Variants in PGA5 observed in about 807,000 individuals in gnomAD.
PGA5 encodes the protein pepsinogen A5.
Under a neutral mutation model 15.9 loss-of-function variants are expected in PGA5, and 19 were observed. That is an observed-to-expected ratio of 1.19 (90% CI 0.83 to 1.75). The LOEUF (loss-of-function observed/expected upper bound fraction) is 1.75, where lower values mean the gene tolerates loss of function less well. PGA5 is among the 40% of genes most tolerant of loss of function. The pLI, the probability that PGA5 is intolerant of heterozygous loss-of-function variation, is 0.00. For synonymous variants in PGA5, 92 were observed against 95.8 expected (o/e 0.96, Z 0.23); for missense variants, 224 against 246.4 (o/e 0.91, Z 0.61).
intron 5 of PGA5, among the ~76,000 whole-genome samples, 195 bp downstream of exon 5, chr11:61,246,340 G>A (rs538147790): frequency 1.3e-5 from 2 of 150,328 alleles, no homozygotes; most frequent in East Asian, 3.9e-4. Context: ...GACGGGCCAT[G>A]TGCACTCCAT....
At chr11:61,249,467 C>G in intron 6 of PGA5, 2 of 1,053,916 alleles carry the variant, frequency 1.9e-6, no homozygotes, top group Non-Finnish European at 2.7e-6. Flanking sequence ...GTTTCCCATG[C>G]CTGGCAGAGG....
At chr11:61,249,627 C>A (rs1237428885) in intron 6 of PGA5, 42 bp from the exon 7 acceptor site, 16 of 1,613,406 alleles carry the variant, frequency 9.9e-6, no homozygotes, top group African/African-American at 4.0e-5. Context: ...GAGAGATGAA[C>A]CCCTGAGGGC....
chr11:61,247,427 G>A (rs1255305419), intron 5 of PGA5, among the ~76,000 whole-genome samples: 1 of 151,822 alleles, frequency 6.6e-6, no homozygotes, highest in African/African-American at 2.4e-5. Flanking sequence ...ACAGGCATGG[G>A]CCACCATGCC....
intron 5 of PGA5, chr11:61,248,212 G>A (rs887499941): frequency 1.6e-6 from 2 of 1,267,224 alleles, no homozygotes; most frequent in African/African-American, 3.0e-5. Flanking sequence ...CCTCCCTCAG[G>A]CTCAGTGTCC....
chr11:61,249,584 G>A (rs142028759), intron 6 of PGA5, 85 bp from the exon 7 acceptor site: 22,989 of 1,608,250 alleles, frequency 0.014, 843 homozygotes, highest in African/African-American at 0.1. Context: ...GGTGGGGAAG[G>A]AATGTCTGGG....
chr11:61,249,994 C>T lies in PGA5; in HGVS notation c.997C>T (p.Pro333Ser), dbSNP rs1565210299. 6.2e-7 allele frequency: 1 copy of T among 1,611,030 alleles called. No homozygotes were observed. The highest frequency in any genetic ancestry group is 2.2e-5 in the East Asian group (1 of 44,792). The part of the protein sequence containing the change: ...TINGVQYPVP[P>S]SAYILQSEGS... ...CAATGGAGTCCAGTACCCCGTGCCA[C>T]CCAGTGCCTACATCCTGCAGGTGAG... Residue 333 changes from proline (P) to serine (S), a missense_variant, in exon 8 of 9, where the codon CCC becomes TCC. Coordinates refer to ENST00000312403, the MANE Select transcript of PGA5 (RefSeq NM_014224.5).
At position 61,246,146 on chromosome 11, in the gene PGA5, G is replaced by A. The variant is rs755531755; in HGVS notation, c.656+1G>A. The A allele has an allele frequency of 4.6e-5, 18 of 392,862 alleles. 1 individual carries two copies. The highest frequency in any genetic ancestry group is 6.5e-4 in the Middle Eastern group (1 of 1,542). 24.3% of individuals were successfully genotyped at this position (392,862 alleles called of 1,614,324 possible). The stretch of plus-strand genomic sequence containing the variant: ...ACCTCTTCTCTGTCTACCTCAGCGC[G>A]TAAGTTGAGTGGAGAGGGGCCTCCT... On this transcript the variant is annotated splice_donor_variant, in intron 5 of 8. Transcript: ENST00000312403. LOFTEE classifies it high-confidence loss of function.
intron 5 of PGA5, 84 bp from the exon 6 acceptor site, chr11:61,248,335 C>G (rs541455021): frequency 2.2e-5 from 36 of 1,613,796 alleles, no homozygotes; most frequent in South Asian, 5.5e-5. Context: ...GCCCAATCAA[C>G]GGTCGCTCTG....
chr11:61,247,862 T>G (rs1416554150), intron 5 of PGA5, among the ~76,000 whole-genome samples: 1 of 152,002 alleles, frequency 6.6e-6, no homozygotes, highest in Admixed American at 6.5e-5. Flanking sequence ...CATAATTCCT[T>G]GCCGCCAAGG....
At position 61,249,678 on chromosome 11, in the gene PGA5, G is replaced by T; in HGVS notation, c.783G>T (p.Met261Ile). ...YWQITVDSITMNGETIACAEG... is the reference protein window; with the variant it reads ...YWQITVDSITINGETIACAEG... ...TGCTTCTTACCCTCAGCATCACCAT[G>T]AACGGAGAGACCATCGCCTGTGCTG... The change falls in exon 7 of 9, where the codon ATG (methionine) becomes ATT (isoleucine). Residue 261 changes from methionine (M) to isoleucine (I), a missense_variant. Coordinates refer to ENST00000312403, the MANE Select transcript of PGA5 (RefSeq NM_014224.5). The T allele has an allele frequency of 6.2e-7, 1 of 1,613,562 alleles. No individual in the cohort carries two copies. Among genetic ancestry groups the T allele is most frequent in the Non-Finnish European group, 8.5e-7 (1 of 1,179,840 alleles).
chr11:61,247,318 G>T (rs1363350133), intron 5 of PGA5, among the ~76,000 whole-genome samples: 1 of 148,852 alleles, frequency 6.7e-6, no homozygotes, highest in Non-Finnish European at 1.5e-5. Flanking sequence ...TCGCTCTGTC[G>T]CCCAGGCTGG....
intron 6 of PGA5, chr11:61,249,198 C>T (rs1012108656): frequency 3.4e-6 from 1 of 292,546 alleles, no homozygotes; most frequent in Non-Finnish European, 6.6e-6. Flanking sequence ...CCAACACCTG[C>T]CCCAGCCCTC....
At chr11:61,248,036 C>T in intron 5 of PGA5, 1 of 602,784 alleles carries the variant, frequency 1.7e-6, no homozygotes, top group Non-Finnish European at 2.9e-6. Flanking sequence ...CCTCCACCCT[C>T]AAGTCCTTAA....
Position 61,249,791 on chromosome 11 carries a change from C to G in PGA5, c.896C>G (p.Ala299Gly), listed in dbSNP as rs1038513515. The G allele has an allele frequency of 3.7e-6, 6 of 1,613,556 alleles. No individual in the cohort carries two copies. The highest frequency in any genetic ancestry group is 2.7e-5 in the African/African-American group (2 of 74,650). The change falls in exon 7 of 9, where the codon GCC becomes GGC. Residue 299 changes from alanine (A) to glycine (G), a missense_variant. Ala to Gly is a moderately conservative substitution (Grantham distance 60). Coordinates refer to ENST00000312403, the MANE Select transcript of PGA5 (RefSeq NM_014224.5). ...GCCAACATCCAGAGCGACATCGGAG[C>G]CAGCGAGAACTCAGATGGCGACGTG... Reference protein sequence around the residue: ...PIANIQSDIGASENSDGDMVV... With the variant: ...PIANIQSDIGGSENSDGDMVV...
chr11:61,249,556 C>A (rs74498502), intron 6 of PGA5, 113 bp from the exon 7 acceptor site: 3 of 1,573,354 alleles, frequency 1.9e-6, no homozygotes, highest in Non-Finnish European at 2.6e-6. Context: ...AGAAATTTCA[C>A]GCATTGGCCA....
In PGA5 at chr11:61,248,648, G is replaced by A. The variant is rs541567665; in HGVS notation, c.773+113G>A. The A allele has an allele frequency of 8.0e-3, 12,526 of 1,561,910 alleles. 85 individuals are homozygous for A. The highest frequency in any genetic ancestry group is 8.8e-3 in the Non-Finnish European group (10,103 of 1,143,258). Reference sequence around the variant, plus strand: ...CCCCCCAGGAACAGCTGGCACAGGGGAACACACTCCAGGGGGAAGGTGGAA... The same window carrying A: ...CCCCCCAGGAACAGCTGGCACAGGGAAACACACTCCAGGGGGAAGGTGGAA... On this transcript the variant is annotated intron_variant, in intron 6 of 8. Transcript: ENST00000312403.
At chr11:61,248,968 C>T (rs1854103520) in intron 6 of PGA5, among the ~76,000 whole-genome samples, 1 of 152,140 alleles carries the variant, frequency 6.6e-6, no homozygotes, top group Non-Finnish European at 1.5e-5. Flanking sequence ...TTCATTCCAC[C>T]CTCCCCTTCG....
At chr11:61,249,563 G>C in intron 6 of PGA5, 106 bp from the exon 7 acceptor site, 1 of 1,593,280 alleles carries the variant, frequency 6.3e-7, no homozygotes, top group East Asian at 2.2e-5. Flanking sequence ...TCACGCATTG[G>C]CCAATGGATG....
In PGA5 at chr11:61,249,737, C is replaced by G. The variant is rs1211675538; in HGVS notation, c.842C>G (p.Ser281Cys). 3.1e-6 allele frequency: 5 copies of G among 1,613,636 alleles called. No individual in the cohort carries two copies. The East Asian group carries it at 6.7e-5, about 22-fold the overall frequency. ...GCQAIVDTGT[S>C]LLTGPTSPIA... The stretch of plus-strand genomic sequence containing the variant: ...CAGGCCATTGTTGACACCGGCACCT[C>G]TCTGCTGACCGGCCCAACCAGCCCC... The change falls in exon 7 of 9, where the codon TCT becomes TGT. Residue 281 changes from serine to cysteine, a missense_variant. Ser to Cys is a moderately radical substitution (Grantham distance 112). Transcript: ENST00000312403.
Sources: allele counts gnomAD v4.1 joint callset (sites outside exome capture counted in the v4.1 genomes callset), GRCh38; gene constraint gnomAD v4.1.1; transcripts MANE v1.5; gene names NCBI Gene and HGNC (gene_info 2026-07-23, HGNC 2026-07-21).